TMEM232: variants seen among roughly 807,000 people sequenced by gnomAD.
TMEM232 encodes the protein transmembrane protein 232.
In TMEM232, 80 loss-of-function variants were observed where a neutral mutation model predicts 78.8. The observed-to-expected ratio is 1.01, with a 90% CI of 0.85 to 1.22. The LOEUF is 1.22. TMEM232 is among the 50% of genes most tolerant of loss of function. The pLI is 0.00. For missense variants in TMEM232, 881 were observed against 742.2 expected, an observed-to-expected ratio of 1.19 and a Z score of -2.17; for synonymous variants, 297 against 254.3, an observed-to-expected ratio of 1.17 and a Z score of -1.60.
chr5:110,738,298 C>A, upstream of TMEM232: 1 of 1,252,128 alleles, frequency 8.0e-7, no homozygotes, highest in South Asian at 1.3e-5. Flanking sequence ...ATTAGAGGTC[C>A]CAATTTTGAA....
At chr5:110,670,548 C>T (rs996025629) in intron 1 of TMEM232, among the ~76,000 whole-genome samples, 4 of 152,070 alleles carry the variant, frequency 2.6e-5, no homozygotes, top group African/African-American at 9.7e-5. Flanking sequence ...GTGAAAATGG[C>T]CATATTGTCC....
chr5:110,501,184 C>A (rs1766223504), intron 12 of TMEM232, among the ~76,000 whole-genome samples: 1 of 152,014 alleles, frequency 6.6e-6, no homozygotes, highest in East Asian at 1.9e-4. Flanking sequence ...TATAGAACAA[C>A]AGAAAAGAAA....
chr5:110,700,786 G>GTAGATAGATAGATAGATAGATAGA (rs34938658), intron 1 of TMEM232, among the ~76,000 whole-genome samples: 5 of 142,496 alleles, frequency 3.5e-5, no homozygotes, highest in African/African-American at 7.9e-5. Context: ...AGATAGATAG[G>GTAGATAGATAGATAGATAGATAGA]TAGATAGATA....
chr5:110,712,180 T>G (rs1395197331), intron 1 of TMEM232, among the ~76,000 whole-genome samples: 1 of 150,558 alleles, frequency 6.6e-6, no homozygotes, highest in Admixed American at 6.6e-5. Context: ...CTCCAGGACA[T>G]TGGTCTGGGC....
chr5:110,616,979 G>A (rs939081372), intron 8 of TMEM232, among the ~76,000 whole-genome samples: 26 of 152,264 alleles, frequency 1.7e-4, no homozygotes, highest in Admixed American at 6.5e-4. Flanking sequence ...ACTGAACTAC[G>A]TTCATTGCAG....
chr5:110,519,790 T>C (rs1445682326), intron 12 of TMEM232, among the ~76,000 whole-genome samples: 3 of 151,336 alleles, frequency 2.0e-5, no homozygotes, highest in South Asian at 4.2e-4. Context: ...TATTCACCTA[T>C]AAAAATGAAT....
intron 12 of TMEM232, among the ~76,000 whole-genome samples, chr5:110,500,958 G>A (rs556668251): frequency 5.9e-5 from 9 of 152,122 alleles, no homozygotes; most frequent in Non-Finnish European, 1.2e-4. Context: ...ATACCTTTAT[G>A]AACTGGTCAA....
chr5:110,421,728 G>A (rs1262529711), intron 13 of TMEM232, among the ~76,000 whole-genome samples: 1 of 152,080 alleles, frequency 6.6e-6, no homozygotes, highest in East Asian at 1.9e-4. Context: ...ATAATAAAAA[G>A]CAGAGCTAAA....
intron 10 of TMEM232, among the ~76,000 whole-genome samples, chr5:110,579,234 GA>G (rs1777899420): frequency 6.7e-6 from 1 of 150,250 alleles, no homozygotes; most frequent in South Asian, 2.1e-4. Flanking sequence ...CTGCCAGGAA[GA>G]TACTATACCT....
At chr5:110,565,807 T>A (rs1430197580) in intron 11 of TMEM232, among the ~76,000 whole-genome samples, 3 of 151,974 alleles carry the variant, frequency 2.0e-5, no homozygotes, top group African/African-American at 7.2e-5. Context: ...ATGAATATGT[T>A]AGTCTTATCC....
At chr5:110,414,351 C>G (rs1001798503) in intron 2 of TMEM232, among the ~76,000 whole-genome samples, 1 of 152,072 alleles carries the variant, frequency 6.6e-6, no homozygotes, top group Non-Finnish European at 1.5e-5. Context: ...GTATTTGGAG[C>G]TCAGCAGACA....
At chr5:110,523,957 A>C (rs182599) in intron 12 of TMEM232, among the ~76,000 whole-genome samples, 131 of 63,124 alleles carry the variant, frequency 2.1e-3, no homozygotes, top group African/African-American at 8.7e-3. Flanking sequence ...TTGGTTTAAA[A>C]AAAAAAAAAG....
intron 11 of TMEM232, among the ~76,000 whole-genome samples, chr5:110,539,392 C>T (rs1201599699): frequency 6.6e-6 from 1 of 152,152 alleles, no homozygotes; most frequent in African/African-American, 2.4e-5. Flanking sequence ...TAGTACAGGA[C>T]CTCAGAATAA....
intron 1 of TMEM232, among the ~76,000 whole-genome samples, chr5:110,690,402 T>C (rs770867267): frequency 1.7e-4 from 26 of 152,032 alleles, no homozygotes; most frequent in Middle Eastern, 3.2e-3. Context: ...ATTAGAGAAA[T>C]GCAAATCAAA....
At chr5:110,410,947 G>A (rs189771120) in intron 2 of TMEM232, among the ~76,000 whole-genome samples, 7 of 152,160 alleles carry the variant, frequency 4.6e-5, no homozygotes, top group African/African-American at 1.7e-4. Flanking sequence ...TTGTTTCTCA[G>A]GACATTATGT....
intron 1 of TMEM232, among the ~76,000 whole-genome samples, chr5:110,706,963 C>T (rs1561546421): frequency 6.6e-6 from 1 of 152,124 alleles, no homozygotes; most frequent in South Asian, 2.1e-4. Flanking sequence ...AAAATGAGAC[C>T]TGTCCTCTTC....
At chr5:110,547,348 A>T (rs191202160) in intron 11 of TMEM232, among the ~76,000 whole-genome samples, 1 of 152,188 alleles carries the variant, frequency 6.6e-6, no homozygotes, top group South Asian at 2.1e-4. Context: ...AAGTTAGAAA[A>T]TCACATAGGC....
At chr5:110,475,046 C>T (rs769589674) in intron 12 of TMEM232, among the ~76,000 whole-genome samples, 13 of 151,798 alleles carry the variant, frequency 8.6e-5, no homozygotes, top group Non-Finnish European at 4.4e-5. Context: ...TCCTGAAGAG[C>T]CCTAAAACAA....
intron 12 of TMEM232, among the ~76,000 whole-genome samples, chr5:110,436,625 A>C (rs1758465515): frequency 6.6e-6 from 1 of 152,004 alleles, no homozygotes; most frequent in African/African-American, 2.4e-5. Flanking sequence ...TTTTGATTTG[A>C]TTTTTGCATA....
Sources: allele counts gnomAD v4.1 joint callset (sites outside exome capture counted in the v4.1 genomes callset), GRCh38; gene constraint gnomAD v4.1.1; transcripts MANE v1.5; gene names NCBI Gene and HGNC (gene_info 2026-07-23, HGNC 2026-07-21).